GRIA1: variants seen among roughly 807,000 people sequenced by gnomAD.
GRIA1 encodes the protein glutamate receptor 1.
Under a neutral mutation model 99.2 loss-of-function variants are expected in GRIA1, and 31 were observed. The ratio of observed to expected loss-of-function variants is 0.31; its 90% confidence interval spans 0.23 to 0.42. The LOEUF is 0.42. Among genes scored for constraint, GRIA1 ranks in the 10% least tolerant of loss-of-function variants. GRIA1 has a pLI of 1.00. For synonymous variants in GRIA1, 438 were observed against 432.4 expected, an observed-to-expected ratio of 1.01 and a Z score of -0.16; for missense variants, 782 against 1,157.5, an observed-to-expected ratio of 0.68 and a Z score of 4.71.
intron 4 of GRIA1, among the ~76,000 whole-genome samples, chr5:153,654,646 A>T (rs1251200193): frequency 1.3e-5 from 2 of 152,164 alleles, no homozygotes; most frequent in African/African-American, 2.4e-5. Context: ...ATAAAAAAAC[A>T]TGAGTCACTA....
At chr5:153,780,721 G>T (rs1046830496) in intron 13 of GRIA1, among the ~76,000 whole-genome samples, 32 of 152,144 alleles carry the variant, frequency 2.1e-4, no homozygotes, top group African/African-American at 6.8e-4. Flanking sequence ...AGAGTTCATG[G>T]TGTATGAGGA....
Position 153,571,889 on chromosome 5 carries a change from A to G in GRIA1, c.221-75039A>G, listed in dbSNP as rs370568062. On this transcript the variant is annotated intron_variant, in intron 2 of 15. Coordinates refer to ENST00000285900, the MANE Select transcript of GRIA1 (RefSeq NM_000827.4). ...ATGCCTCAGGTCCCCAGAGGCCTTC[A>G]TTTCCTGCCTTCATTTTCCCTTGCT... Among the ~76,000 whole-genome samples the G allele has an allele frequency of 6.7e-4, 102 of 152,208 alleles. 1 individual carries two copies. In the Middle Eastern group the frequency reaches 0.017, roughly 25 times the overall value.
chr5:153,696,463 C>A, intron 8 of GRIA1, among the ~76,000 whole-genome samples: 1 of 152,234 alleles, frequency 6.6e-6, no homozygotes. Context: ...AGTTAACACA[C>A]TCCCACAGGC....
At chr5:153,777,809 C>T (rs1034792866) in intron 13 of GRIA1, among the ~76,000 whole-genome samples, 1 of 152,210 alleles carries the variant, frequency 6.6e-6, no homozygotes, top group African/African-American at 2.4e-5. Flanking sequence ...CTCCCTCCCA[C>T]TCTCACAAGT....
intron 2 of GRIA1, among the ~76,000 whole-genome samples, chr5:153,510,934 G>A (rs1262625498): frequency 6.6e-6 from 1 of 152,142 alleles, no homozygotes; most frequent in African/African-American, 2.4e-5. Flanking sequence ...GGGGAGCATT[G>A]GGGGTGATGA....
intron 5 of GRIA1, among the ~76,000 whole-genome samples, chr5:153,660,368 T>A (rs1755275902): frequency 6.6e-6 from 1 of 152,226 alleles, no homozygotes. Flanking sequence ...TTGAGGTTGA[T>A]ATTATCCTCA....
At chr5:153,638,093 T>C (rs1336949786) in intron 2 of GRIA1, among the ~76,000 whole-genome samples, 1 of 152,200 alleles carries the variant, frequency 6.6e-6, no homozygotes, top group African/African-American at 2.4e-5. Flanking sequence ...GAGATTAAAA[T>C]AGGTAAATGA....
intron 11 of GRIA1, among the ~76,000 whole-genome samples, chr5:153,709,226 T>A (rs1414995855): frequency 6.6e-6 from 1 of 152,204 alleles, no homozygotes; most frequent in African/African-American, 2.4e-5. Flanking sequence ...TGTTAGACAC[T>A]CTGGGTGCTG....
chr5:153,581,084 C>T (rs1009707765), intron 2 of GRIA1, among the ~76,000 whole-genome samples: 1 of 152,194 alleles, frequency 6.6e-6, no homozygotes, highest in African/African-American at 2.4e-5. Flanking sequence ...GTCTGGCATG[C>T]GGACGGCTTC....
intron 2 of GRIA1, among the ~76,000 whole-genome samples, chr5:153,593,336 G>A (rs1764141935): frequency 1.3e-5 from 2 of 152,268 alleles, no homozygotes; most frequent in South Asian, 4.1e-4. Flanking sequence ...TATCCCACTA[G>A]AGATTAGGGT....
At chr5:153,749,865 C>T (rs185334555) in intron 11 of GRIA1, among the ~76,000 whole-genome samples, 2 of 152,192 alleles carry the variant, frequency 1.3e-5, no homozygotes, top group Non-Finnish European at 1.5e-5. Flanking sequence ...GAACAAAGGA[C>T]GATTCTCTTT....
intron 7 of GRIA1, among the ~76,000 whole-genome samples, chr5:153,684,528 G>T (rs947893473): frequency 4.6e-5 from 7 of 152,164 alleles, no homozygotes; most frequent in African/African-American, 9.7e-5. Context: ...TGCCTGTTTG[G>T]ATAATTAATG....
chr5:153,751,654 A>G (rs1762517647), intron 11 of GRIA1, among the ~76,000 whole-genome samples: 2 of 152,248 alleles, frequency 1.3e-5, no homozygotes, highest in African/African-American at 4.8e-5. Context: ...AAAGCAACAA[A>G]TCTAAACTGT....
chr5:153,766,695 G>A (rs937816769), intron 12 of GRIA1, among the ~76,000 whole-genome samples: 1 of 152,158 alleles, frequency 6.6e-6, no homozygotes, highest in South Asian at 2.1e-4. Context: ...TTTTTAAAAA[G>A]ATCACTCAGG....
chr5:153,659,031 CT>C (rs1451606503), intron 5 of GRIA1, among the ~76,000 whole-genome samples: 6 of 152,050 alleles, frequency 3.9e-5, no homozygotes, highest in Admixed American at 1.3e-4. Context: ...CCAGATGCCC[CT>C]TTTAGCTGGC....
chr5:153,803,568 C>T (rs186328279), intron 15 of GRIA1, among the ~76,000 whole-genome samples: 1 of 152,252 alleles, frequency 6.6e-6, no homozygotes, highest in Admixed American at 6.5e-5. Context: ...TTGAAGAAGG[C>T]TTCCAGGAAG....
intron 2 of GRIA1, among the ~76,000 whole-genome samples, chr5:153,533,554 G>T (rs911376272): frequency 5.9e-5 from 9 of 152,148 alleles, no homozygotes; most frequent in Non-Finnish European, 1.3e-4. Context: ...CTCTTCTCAA[G>T]AAACTTGTGT....
chr5:153,711,382 G>A (rs1759307947), intron 11 of GRIA1, among the ~76,000 whole-genome samples: 1 of 152,128 alleles, frequency 6.6e-6, no homozygotes, highest in Admixed American at 6.5e-5. Flanking sequence ...ATGGATTTAT[G>A]GTTCACTCTG....
Position 153,592,844 on chromosome 5 carries a change from C to T in GRIA1, c.221-54084C>T, listed in dbSNP as rs1004996028. Among the ~76,000 whole-genome samples, 9 of 152,192 alleles carry T rather than the reference C, an allele frequency of 5.9e-5. No homozygotes were observed. The South Asian group carries it at 1.7e-3, about 28-fold the overall frequency. On this transcript the variant is annotated intron_variant, in intron 2 of 15. Coordinates refer to ENST00000285900, the MANE Select transcript of GRIA1 (RefSeq NM_000827.4). ...TTTGGGTCTTGGCAAAGACCTGCTT[C>T]CTAGTTTACAGATGGCCACCTTCTT...
Sources: allele counts gnomAD v4.1 joint callset (sites outside exome capture counted in the v4.1 genomes callset), GRCh38; gene constraint gnomAD v4.1.1; transcripts MANE v1.5; gene names NCBI Gene and HGNC (gene_info 2026-07-23, HGNC 2026-07-21).